The following TENM1 variants were observed in gnomAD, a reference collection of about 807,000 sequenced individuals.
TENM1 encodes teneurin-1.
Under a neutral mutation model 174.8 loss-of-function variants are expected in TENM1, and 35 were observed. That is an observed-to-expected ratio of 0.20 (90% CI 0.15 to 0.27). The LOEUF is 0.27. TENM1 is among the 10% of genes least tolerant of loss of function. TENM1 has a pLI of 1.00. For missense variants in TENM1, 1,633 were observed against 2,130.1 expected (o/e 0.77, Z 4.59); for synonymous variants, 781 against 798.7 (o/e 0.98, Z 0.37).
At chrX:124,996,752 G>A in the TENM1 span, among the ~76,000 whole-genome samples, 2 of 111,041 alleles carry the variant, frequency 1.8e-5, no homozygotes, top group Non-Finnish European at 3.8e-5. Flanking sequence ...AGATCAGTAA[G>A]TGTTTTTTAT....
the TENM1 span, among the ~76,000 whole-genome samples, chrX:125,078,268 G>C: frequency 1.1e-4 from 12 of 111,759 alleles, no homozygotes; most frequent in African/African-American, 3.9e-4. Flanking sequence ...CTGAAAAGTA[G>C]AACTGTTATG....
In TENM1 at chrX:124,663,636, A is replaced by G. The variant is rs376732217; in HGVS notation, c.1168+8047T>C. 2.2e-3 allele frequency among the ~76,000 whole-genome samples: 243 copies of G among 112,057 alleles called. 1 individual carries two copies. The highest frequency in any genetic ancestry group is 7.4e-3 in the African/African-American group (228 of 30,879). On this transcript the variant is annotated intron_variant, in intron 6 of 31. Coordinates refer to ENST00000422452, the Ensembl canonical transcript of TENM1. ...TTTGAAAGGACTAGTCCAGGAGGAT[A>G]AACATGGCATTCTATAGCATACCAC...
intron 6 of TENM1, among the ~76,000 whole-genome samples, chrX:124,663,346 G>A (rs113205814): frequency 0.016 from 1,810 of 111,764 alleles, 31 homozygotes; most frequent in African/African-American, 0.055. Context: ...AAAGTTACAC[G>A]CAGGAAAAAT....
At chrX:124,595,369 T>C in intron 11 of TENM1, among the ~76,000 whole-genome samples, 1 of 111,731 alleles carries the variant, frequency 9.0e-6, no homozygotes. Flanking sequence ...CTTAAATGTA[T>C]ACAATTTTAT....
chrX:124,534,733 C>G (rs1257517165), intron 15 of TENM1, among the ~76,000 whole-genome samples: 2 of 111,309 alleles, frequency 1.8e-5, no homozygotes, highest in African/African-American at 3.3e-5. Context: ...CTACAGCTGA[C>G]AGCTCTGGTC....
chrX:124,671,884 C>T, intron 5 of TENM1, 49 bp from the exon 9 acceptor site: 1 of 1,165,636 alleles, frequency 8.6e-7, no homozygotes, highest in Non-Finnish European at 1.2e-6. Flanking sequence ...TCACTGAGAA[C>T]ATCTCCAAGC....
At chrX:124,505,961 C>T (rs1347628085) in intron 18 of TENM1, among the ~76,000 whole-genome samples, 1 of 111,593 alleles carries the variant, frequency 9.0e-6, no homozygotes, top group African/African-American at 3.3e-5. Flanking sequence ...GAATCTTATG[C>T]TGGAAAAATC....
chrX:124,673,651 T>C (rs1166819764), intron 5 of TENM1, among the ~76,000 whole-genome samples: 1 of 111,332 alleles, frequency 9.0e-6, no homozygotes, highest in African/African-American at 3.3e-5. Context: ...GCAGTGGGAA[T>C]GCAAAGAAGG....
chrX:125,006,420 G>A, the TENM1 span, among the ~76,000 whole-genome samples: 1 of 111,918 alleles, frequency 8.9e-6, no homozygotes, highest in Admixed American at 9.4e-5. Flanking sequence ...CTGTGGGGAG[G>A]GAAGCCTGCA....
At position 124,837,220 on chromosome X, in the gene TENM1, C is replaced by T. The variant is rs778646877; in HGVS notation, c.535+57076G>A. ...TCTCCTGCCTCAGCCTCCCAAGTAG[C>T]TGGGATTACAGGCATGCACCACCAT... On this transcript the variant is annotated intron_variant, in intron 3 of 31. Coordinates refer to ENST00000422452, the Ensembl canonical transcript of TENM1. Among the ~76,000 whole-genome samples the T allele has an allele frequency of 6.2e-5, 7 of 112,134 alleles. No homozygotes were observed. The East Asian group carries it at 1.4e-3, about 23-fold the overall frequency.
At chrX:124,392,052 T>C (rs1287017435) in exon 28 of TENM1, 4 of 1,192,826 alleles carry the variant, frequency 3.4e-6, no homozygotes, top group Non-Finnish European at 4.5e-6. Flanking sequence ...ATGTACTTAC[T>C]TTTTCTAAGT....
At chrX:125,072,067 G>C in the TENM1 span, among the ~76,000 whole-genome samples, 1 of 111,267 alleles carries the variant, frequency 9.0e-6, no homozygotes, top group African/African-American at 3.3e-5. Flanking sequence ...GTTAGTGACA[G>C]AGACAGGATG....
chrX:124,537,371 C>A, intron 15 of TENM1, among the ~76,000 whole-genome samples: 1 of 111,408 alleles, frequency 9.0e-6, no homozygotes, highest in East Asian at 2.8e-4. Flanking sequence ...TTAATGTCCA[C>A]ATAACCCTGA....
chrX:124,559,182 A>G (rs2048757706), intron 14 of TENM1, among the ~76,000 whole-genome samples: 1 of 112,027 alleles, frequency 8.9e-6, no homozygotes, highest in South Asian at 3.7e-4. Flanking sequence ...ATAGGTTGTT[A>G]ATGTGTTTTC....
chrX:124,840,175 C>T (rs1483029272), intron 3 of TENM1, among the ~76,000 whole-genome samples: 1 of 111,499 alleles, frequency 9.0e-6, no homozygotes, highest in Non-Finnish European at 1.9e-5. Context: ...CAAGGTGCTA[C>T]ACAATAAGCT....
the TENM1 span, among the ~76,000 whole-genome samples, chrX:124,974,069 C>A: frequency 5.9e-5 from 6 of 101,176 alleles, no homozygotes; most frequent in South Asian, 1.7e-3. Context: ...GCACATGTAT[C>A]CCAGAACTCA....
At chrX:124,503,409 T>C in intron 19 of TENM1, 151 bp downstream of exon 22, 1 of 475,262 alleles carries the variant, frequency 2.1e-6, no homozygotes, top group Non-Finnish European at 3.4e-6. Context: ...TAAGAGTAAT[T>C]CAAAATAGAA....
chrX:124,463,008 A>G (rs2061195914), intron 22 of TENM1, among the ~76,000 whole-genome samples: 1 of 111,949 alleles, frequency 8.9e-6, no homozygotes, highest in Non-Finnish European at 1.9e-5. Flanking sequence ...ACAAAGGACC[A>G]TGGATCAAAT....
In TENM1 at chrX:124,962,313, G is replaced by A. The variant is rs983827259; in HGVS notation, c.217+1224C>T. Among the ~76,000 whole-genome samples, 8 of 111,309 alleles carry A rather than the reference G, an allele frequency of 7.2e-5. No individual in the cohort carries two copies. The East Asian group carries it at 2.3e-3, about 31-fold the overall frequency. On this transcript the variant is annotated intron_variant, in intron 1 of 31. Transcript: ENST00000422452. ...TTCAAGCAGTAATCTTCAATCTTGA[G>A]CAGGAATCAGAATCCCCTGGGGATT...
Sources: allele counts gnomAD v4.1 joint callset (sites outside exome capture counted in the v4.1 genomes callset), GRCh38; gene constraint gnomAD v4.1.1; transcripts MANE v1.5; gene names NCBI Gene and HGNC (gene_info 2026-07-23, HGNC 2026-07-21).